RNF220: variants seen among roughly 807,000 people sequenced by gnomAD.
RNF220 encodes the protein ring finger protein 220.
In RNF220, 7 loss-of-function variants were observed where a neutral mutation model predicts 67.1. The observed-to-expected ratio is 0.10, with a 90% CI of 0.06 to 0.20. The LOEUF is 0.20. Among genes scored for constraint, RNF220 ranks in the 10% least tolerant of loss-of-function variants. The probability of loss-of-function intolerance (pLI) is 1.00; values close to 1 mark genes in which losing one functional copy is unlikely to be tolerated. For synonymous variants in RNF220, 270 were observed against 283.2 expected (o/e 0.95, Z 0.47); for missense variants, 565 against 740.3 (o/e 0.76, Z 2.75).
intron 2 of RNF220, among the ~76,000 whole-genome samples, chr1:44,432,073 C>G (rs756281091): frequency 1.4e-4 from 21 of 152,112 alleles, no homozygotes; most frequent in Non-Finnish European, 2.8e-4. Context: ...GTGGCTTCTG[C>G]GACATTATAC....
At chr1:44,582,638 T>A (rs1665384937) in intron 2 of RNF220, among the ~76,000 whole-genome samples, 1 of 149,804 alleles carries the variant, frequency 6.7e-6, no homozygotes, top group Non-Finnish European at 1.5e-5. Context: ...GCGCCTCTAA[T>A]CCCAGCTACT....
chr1:44,636,227 C>A (rs991420373), intron 8 of RNF220, 65 bp downstream of exon 8: 56 of 1,562,958 alleles, frequency 3.6e-5, no homozygotes, highest in Non-Finnish European at 4.7e-5. Context: ...TATCCATCTG[C>A]TGGAAGCCAA....
intron 2 of RNF220, among the ~76,000 whole-genome samples, chr1:44,471,156 T>C (rs1400646147): frequency 6.6e-6 from 1 of 152,224 alleles, no homozygotes; most frequent in African/African-American, 2.4e-5. Flanking sequence ...CTGAGTGCAG[T>C]GGTTCATGCC....
Position 44,586,875 on chromosome 1 carries a change from G to A in RNF220, c.626-27290G>A, listed in dbSNP as rs147864549. 1.5e-3 allele frequency among the ~76,000 whole-genome samples: 228 copies of A among 152,318 alleles called. 2 individuals are homozygous for A. The highest frequency in any genetic ancestry group is 5.1e-3 in the African/African-American group (211 of 41,560). The stretch of plus-strand genomic sequence containing the variant: ...TTGAGGGAAGATGGAAAATCAAGTG[G>A]AGGCAATGGATATTAAGCTGAAGAG... On this transcript the variant is annotated intron_variant, in intron 2 of 14. Transcript: ENST00000361799.
At chr1:44,423,969 C>T in intron 2 of RNF220, 9 of 985,414 alleles carry the variant, frequency 9.1e-6, no homozygotes, top group Non-Finnish European at 9.6e-6. Flanking sequence ...CTCTGTACTC[C>T]ACCATCCCCG....
At chr1:44,440,059 C>T (rs556740851) in intron 2 of RNF220, among the ~76,000 whole-genome samples, 3 of 152,226 alleles carry the variant, frequency 2.0e-5, no homozygotes, top group Admixed American at 6.5e-5. Context: ...ATACATTTCA[C>T]GCAGGTAAGT....
chr1:44,454,215 A>G (rs1652951708), intron 2 of RNF220, among the ~76,000 whole-genome samples: 1 of 152,196 alleles, frequency 6.6e-6, no homozygotes, highest in African/African-American at 2.4e-5. Flanking sequence ...GAAATTATTT[A>G]TGTGTTGAAG....
intron 2 of RNF220, among the ~76,000 whole-genome samples, chr1:44,607,009 G>A (rs1289482417): frequency 6.6e-6 from 1 of 152,202 alleles, no homozygotes; most frequent in East Asian, 1.9e-4. Flanking sequence ...CCATAAATCA[G>A]TCAATGTTCT....
intron 2 of RNF220, among the ~76,000 whole-genome samples, chr1:44,549,014 C>T (rs1387318341): frequency 6.6e-5 from 10 of 152,174 alleles, no homozygotes; most frequent in African/African-American, 2.4e-4. Context: ...TGGTTAAACT[C>T]TGTCTCTACT....
chr1:44,505,986 C>A (rs1051948706), intron 2 of RNF220, among the ~76,000 whole-genome samples: 1 of 152,112 alleles, frequency 6.6e-6, no homozygotes, highest in Admixed American at 6.5e-5. Context: ...GCCCATCATA[C>A]CCCCTTATTT....
At chr1:44,601,773 C>G (rs1666938206) in intron 2 of RNF220, among the ~76,000 whole-genome samples, 2 of 152,058 alleles carry the variant, frequency 1.3e-5, no homozygotes, top group Admixed American at 1.3e-4. Flanking sequence ...CGGAGCTGAC[C>G]AAGAGCATGC....
At chr1:44,633,194 T>C (rs368844567) in intron 6 of RNF220, among the ~76,000 whole-genome samples, 1 of 152,160 alleles carries the variant, frequency 6.6e-6, no homozygotes. Context: ...AGGGAGAAAT[T>C]CATGATGGGC....
intron 2 of RNF220, among the ~76,000 whole-genome samples, chr1:44,500,466 C>G (rs1657737387): frequency 6.6e-6 from 1 of 152,176 alleles, no homozygotes; most frequent in Non-Finnish European, 1.5e-5. Context: ...TCTGGGTGGA[C>G]TTGTGTCTGA....
chr1:44,553,168 T>G lies in RNF220; in HGVS notation c.626-60997T>G, dbSNP rs1370751327. 4.0e-5 allele frequency among the ~76,000 whole-genome samples: 6 copies of G among 150,336 alleles called. No individual in the cohort carries two copies. The East Asian group carries it at 9.8e-4, about 25-fold the overall frequency. On this transcript the variant is annotated intron_variant, in intron 2 of 14. Transcript: ENST00000361799. ...ACAAGAGTAGGATAGGTGCCACTTT[T>G]GTGTATTTCCACAGCACTCCTCATA...
At chr1:44,423,388 T>G (rs966546952) in intron 2 of RNF220, among the ~76,000 whole-genome samples, 1 of 152,222 alleles carries the variant, frequency 6.6e-6, no homozygotes, top group Non-Finnish European at 1.5e-5. Flanking sequence ...TCTATAGCAC[T>G]TCATCCTATA....
chr1:44,489,488 C>T (rs1656656052), intron 2 of RNF220, among the ~76,000 whole-genome samples: 1 of 152,224 alleles, frequency 6.6e-6, no homozygotes, highest in African/African-American at 2.4e-5. Flanking sequence ...ATTGTTCATG[C>T]ATTCATGTAT....
intron 2 of RNF220, among the ~76,000 whole-genome samples, chr1:44,557,845 T>C (rs1385328855): frequency 6.6e-6 from 1 of 152,234 alleles, no homozygotes; most frequent in African/African-American, 2.4e-5. Context: ...TGTGATTTCC[T>C]TCACATCCCC....
Position 44,650,653 on chromosome 1 carries a change from C to T in RNF220, c.1630-51C>T, listed in dbSNP as rs775375857. On this transcript the variant is annotated intron_variant, in intron 14 of 14. Transcript: ENST00000361799. The surrounding 1 kb of genome is among the most constrained non-coding windows in gnomAD (Gnocchi z 4.3). Reference sequence around the variant, plus strand: ...GGCTGCAGGCCCAGGTGCTCACATGCGCACACATGGCTCATTGTGTAGACC... The same window carrying T: ...GGCTGCAGGCCCAGGTGCTCACATGTGCACACATGGCTCATTGTGTAGACC... 13 of 1,570,600 alleles carry T rather than the reference C, an allele frequency of 8.3e-6. No individual in the cohort carries two copies. The highest frequency in any genetic ancestry group is 6.7e-5 in the East Asian group (3 of 44,696).
At chr1:44,595,220 C>T (rs932012477) in intron 2 of RNF220, among the ~76,000 whole-genome samples, 2 of 152,138 alleles carry the variant, frequency 1.3e-5, no homozygotes, top group African/African-American at 2.4e-5. Context: ...AAGGAAGGCC[C>T]GAGGTAGGGG....
Sources: allele counts gnomAD v4.1 joint callset (sites outside exome capture counted in the v4.1 genomes callset), GRCh38; gene constraint gnomAD v4.1.1; non-coding constraint Gnocchi (gnomAD v3.1); transcripts MANE v1.5; gene names NCBI Gene and HGNC (gene_info 2026-07-23, HGNC 2026-07-21).